The following NOL4 variants were observed in gnomAD, a reference collection of about 807,000 sequenced individuals.
NOL4 encodes the protein cancer/testis antigen 125.
NOL4 carries 17 observed loss-of-function variants against 75.9 expected under a neutral mutation model. The observed-to-expected ratio is 0.22, with a 90% CI of 0.15 to 0.34. The LOEUF is 0.34. Among genes scored for constraint, NOL4 ranks in the 10% least tolerant of loss-of-function variants. NOL4 has a pLI of 1.00. For missense variants in NOL4, 614 were observed against 793.5 expected (o/e 0.77, Z 2.72); for synonymous variants, 292 against 289.9 (o/e 1.01, Z -0.07).
At chr18:34,109,432 T>C (rs1336759907) in intron 2 of NOL4, among the ~76,000 whole-genome samples, 2 of 152,072 alleles carry the variant, frequency 1.3e-5, no homozygotes, top group East Asian at 1.9e-4. Flanking sequence ...GGTGGGAGGA[T>C]AGCTGGAACC....
chr18:33,859,116 A>C (rs1055334002), intron 10 of NOL4, among the ~76,000 whole-genome samples: 1 of 151,926 alleles, frequency 6.6e-6, no homozygotes, highest in Non-Finnish European at 1.5e-5. Flanking sequence ...GTATTTAATC[A>C]ATTTTTTCAC....
At chr18:33,912,977 G>A (rs938163951) in intron 9 of NOL4, among the ~76,000 whole-genome samples, 3 of 152,044 alleles carry the variant, frequency 2.0e-5, no homozygotes, top group Admixed American at 2.0e-4. Flanking sequence ...TATGTGTTCA[G>A]TAAGTATTTA....
chr18:34,115,533 G>C (rs1600643058), intron 2 of NOL4, among the ~76,000 whole-genome samples: 1 of 148,330 alleles, frequency 6.7e-6, no homozygotes, highest in Non-Finnish European at 1.5e-5. Context: ...AAGCAACATG[G>C]AATAACTTAG....
intron 6 of NOL4, among the ~76,000 whole-genome samples, chr18:34,006,382 A>C (rs1600225648): frequency 6.6e-6 from 1 of 152,176 alleles, no homozygotes; most frequent in East Asian, 1.9e-4. Flanking sequence ...TGGTAAACAG[A>C]GTAAAAAAGC....
At chr18:34,174,871 G>A (rs1457091434) in intron 1 of NOL4, among the ~76,000 whole-genome samples, 1 of 152,050 alleles carries the variant, frequency 6.6e-6, no homozygotes, top group Non-Finnish European at 1.5e-5. Context: ...CCTTTTTTAT[G>A]GCTGCATAGT....
chr18:34,150,385 G>A (rs1357215130), intron 1 of NOL4, among the ~76,000 whole-genome samples: 1 of 151,660 alleles, frequency 6.6e-6, no homozygotes, highest in Non-Finnish European at 1.5e-5. Flanking sequence ...ATTGGCAACA[G>A]AACAAACGAG....
At chr18:33,966,470 T>G (rs997165633) in intron 6 of NOL4, among the ~76,000 whole-genome samples, 1 of 151,996 alleles carries the variant, frequency 6.6e-6, no homozygotes, top group Admixed American at 6.6e-5. Flanking sequence ...AAGAAAGAAA[T>G]AAAAGCCATC....
chr18:33,930,697 C>T (rs951197322), intron 9 of NOL4, among the ~76,000 whole-genome samples: 1 of 152,050 alleles, frequency 6.6e-6, no homozygotes, highest in African/African-American at 2.4e-5. Context: ...GACTCTCTAG[C>T]CTGACATTTT....
chr18:34,010,894 A>T (rs1400657914), intron 6 of NOL4, among the ~76,000 whole-genome samples: 1 of 151,858 alleles, frequency 6.6e-6, no homozygotes, highest in South Asian at 2.1e-4. Context: ...TATTGTTTAA[A>T]TTGTATTATC....
intron 5 of NOL4, among the ~76,000 whole-genome samples, chr18:34,081,884 T>G (rs1046723112): frequency 6.6e-6 from 1 of 152,132 alleles, no homozygotes; most frequent in African/African-American, 2.4e-5. Flanking sequence ...CAAGAGAGAT[T>G]ACTGAACAAA....
intron 6 of NOL4, among the ~76,000 whole-genome samples, chr18:34,015,827 G>T (rs1034617301): frequency 6.6e-6 from 1 of 152,050 alleles, no homozygotes; most frequent in African/African-American, 2.4e-5. Flanking sequence ...CTGAATCTTA[G>T]TAAACGGATT....
chr18:34,166,109 C>T (rs2032300804), intron 1 of NOL4, among the ~76,000 whole-genome samples: 1 of 151,962 alleles, frequency 6.6e-6, no homozygotes, highest in African/African-American at 2.4e-5. Context: ...TATGATATTA[C>T]AAGAAACTGT....
intron 8 of NOL4, among the ~76,000 whole-genome samples, chr18:33,954,153 A>C (rs2069465839): frequency 6.6e-6 from 1 of 152,160 alleles, no homozygotes; most frequent in Non-Finnish European, 1.5e-5. Flanking sequence ...ATATACTTTA[A>C]ATCATCTCTA....
At chr18:34,111,020 C>A (rs923494441) in intron 2 of NOL4, among the ~76,000 whole-genome samples, 1 of 151,982 alleles carries the variant, frequency 6.6e-6, no homozygotes, top group African/African-American at 2.4e-5. Context: ...AAAGAATAAT[C>A]TCTGACAAAT....
intron 6 of NOL4, among the ~76,000 whole-genome samples, chr18:33,971,849 G>A (rs2071089065): frequency 6.6e-6 from 1 of 151,984 alleles, no homozygotes; most frequent in Non-Finnish European, 1.5e-5. Context: ...TCTTTGATGT[G>A]TAAATTAACA....
intron 6 of NOL4, among the ~76,000 whole-genome samples, chr18:33,976,218 A>C (rs1374314931): frequency 6.6e-6 from 1 of 152,296 alleles, no homozygotes. Flanking sequence ...ACCGTCTCAC[A>C]GCACACAAGC....
chr18:33,932,989 A>C (rs1016494391), intron 9 of NOL4, among the ~76,000 whole-genome samples: 3 of 152,128 alleles, frequency 2.0e-5, no homozygotes, highest in African/African-American at 4.8e-5. Context: ...TCCCAGATAA[A>C]GTATACATGT....
chr18:34,003,034 TTC>T (rs1321431061), intron 6 of NOL4, among the ~76,000 whole-genome samples: 2 of 152,134 alleles, frequency 1.3e-5, no homozygotes, highest in African/African-American at 4.8e-5. Flanking sequence ...CTCAAAATCA[TTC>T]TCTGTGTCCT....
intron 1 of NOL4, among the ~76,000 whole-genome samples, chr18:34,132,736 CAA>C (rs35140600): frequency 2.3e-4 from 25 of 106,570 alleles, no homozygotes; most frequent in South Asian, 8.4e-4. Context: ...TTCAAAAACG[CAA>C]AAAAAAAAAA....
Sources: gnomAD v4.1 joint callset for allele counts (sites outside exome capture counted in the v4.1 genomes callset) on GRCh38, gnomAD v4.1.1 for gene constraint, MANE v1.5 for transcripts, NCBI Gene and HGNC (gene_info 2026-07-23, HGNC 2026-07-21) for gene names.